Variants in DMD observed in about 807,000 individuals in gnomAD.
DMD encodes mutant dystrophin.
In DMD, 63 loss-of-function variants were observed where a neutral mutation model predicts 330.1. The observed-to-expected ratio is 0.19, with a 90% confidence interval of 0.16 to 0.24. DMD has a LOEUF of 0.24. Among genes scored for constraint, DMD ranks in the 10% least tolerant of loss-of-function variants. The probability of loss-of-function intolerance (pLI) is 1.00; values close to 1 mark genes in which losing one functional copy is unlikely to be tolerated. For synonymous variants in DMD, 1,223 were observed against 959.8 expected (o/e 1.27, Z -5.07); for missense variants, 3,344 against 2,684.1 (o/e 1.25, Z -5.43).
At chrX:32,386,001 C>G (rs1221508931) in intron 33 of DMD, among the ~76,000 whole-genome samples, 1 of 109,881 alleles carries the variant, frequency 9.1e-6, no homozygotes, top group East Asian at 2.9e-4. Context: ...TTAGAGCTAT[C>G]TGATGGACCA....
At chrX:31,397,282 A>G (rs2060988107) in intron 60 of DMD, among the ~76,000 whole-genome samples, 1 of 112,030 alleles carries the variant, frequency 8.9e-6, no homozygotes, top group Non-Finnish European at 1.9e-5. Flanking sequence ...GACAAATCCA[A>G]AATGATGTCT....
intron 7 of DMD, among the ~76,000 whole-genome samples, chrX:32,729,442 G>C (rs1418611495): frequency 9.0e-6 from 1 of 111,585 alleles, no homozygotes; most frequent in Admixed American, 9.5e-5. Context: ...TGAATATTTT[G>C]GCTGATTTTT....
chrX:31,393,504 AC>A (rs2060780723), intron 60 of DMD, among the ~76,000 whole-genome samples: 2 of 97,561 alleles, frequency 2.1e-5, no homozygotes, highest in South Asian at 3.9e-4. Context: ...AAAAAAAAAA[AC>A]AAACCCAACT....
intron 44 of DMD, among the ~76,000 whole-genome samples, chrX:32,172,472 T>C (rs987212384): frequency 3.6e-5 from 4 of 111,940 alleles, no homozygotes; most frequent in African/African-American, 1.3e-4. Flanking sequence ...AGAATCTTAA[T>C]TTGATTGAAA....
chrX:31,774,953 T>C, intron 50 of DMD, among the ~76,000 whole-genome samples: 1 of 111,573 alleles, frequency 9.0e-6, no homozygotes, highest in Middle Eastern at 4.2e-3. Flanking sequence ...TTAAGATGCA[T>C]AGTACTAGAA....
intron 1 of DMD, among the ~76,000 whole-genome samples, chrX:33,176,281 T>C (rs770974082): frequency 2.5e-4 from 28 of 111,065 alleles, no homozygotes; most frequent in Non-Finnish European, 5.3e-4. Flanking sequence ...GGTTTTCTAA[T>C]CTGGAAACTT....
intron 7 of DMD, among the ~76,000 whole-genome samples, chrX:32,707,302 A>G (rs1409004582): frequency 8.9e-6 from 1 of 111,979 alleles, no homozygotes; most frequent in Non-Finnish European, 1.9e-5. Context: ...TCAGTTTACC[A>G]CTTGCCACTG....
chrX:31,434,464 A>G (rs1450084976), intron 60 of DMD, among the ~76,000 whole-genome samples: 1 of 101,462 alleles, frequency 9.9e-6, no homozygotes, highest in Non-Finnish European at 2.0e-5. Flanking sequence ...ACACACACAC[A>G]CACACACACA....
At chrX:31,355,232 T>C (rs183662890) in intron 60 of DMD, among the ~76,000 whole-genome samples, 78 of 112,220 alleles carry the variant, frequency 7.0e-4, no homozygotes, top group African/African-American at 2.5e-3. Context: ...ACCTTTCTGT[T>C]AATTACTCTA....
At position 31,658,062 on chromosome X, in the gene DMD, G is replaced by C. The variant is rs2080892378; in HGVS notation, c.7955C>G (p.Ser2652Cys). The C allele has an allele frequency of 8.3e-7, 1 of 1,211,079 alleles. No individual in the cohort carries two copies. The highest frequency in any genetic ancestry group is 1.1e-6 in the Non-Finnish European group (1 of 894,825). The change falls in exon 54 of 79, where the codon TCT (serine) becomes TGT (cysteine). Residue 2652 changes from serine (S) to cysteine (C), a missense_variant. Physicochemically the swap from Ser to Cys is moderately radical, Grantham distance 112. Transcript: ENST00000357033. ...DLALKLLRDY[S>C]ADDTRKVHMI... ...GTGGACTTTTCTGGTATCATCTGCA[G>C]AATAATCCCGGAGAAGTTTCAGGGC...
chrX:31,588,211 C>A (rs183830310), intron 55 of DMD, among the ~76,000 whole-genome samples: 5 of 111,742 alleles, frequency 4.5e-5, no homozygotes, highest in Admixed American at 1.9e-4. Flanking sequence ...CTTGGAAGGC[C>A]AGGGAGAGAC....
At chrX:33,078,654 A>T (rs1320808350) in intron 1 of DMD, among the ~76,000 whole-genome samples, 1 of 111,899 alleles carries the variant, frequency 8.9e-6, no homozygotes, top group East Asian at 2.8e-4. Context: ...TAAGACCTGC[A>T]CTCAGAGTAT....
chrX:31,345,009 T>TA (rs1169597575), intron 61 of DMD, among the ~76,000 whole-genome samples: 3 of 111,520 alleles, frequency 2.7e-5, no homozygotes, highest in Non-Finnish European at 5.6e-5. Flanking sequence ...TCTTGATGTG[T>TA]ATAGAGTACC....
intron 2 of DMD, among the ~76,000 whole-genome samples, chrX:32,971,485 T>G (rs2147132977): frequency 9.0e-6 from 1 of 111,219 alleles, no homozygotes; most frequent in South Asian, 3.8e-4. Context: ...AAAAATAACT[T>G]TATAGTTTAT....
intron 18 of DMD, among the ~76,000 whole-genome samples, chrX:32,513,139 G>T (rs2045513756): frequency 9.0e-6 from 1 of 111,479 alleles, no homozygotes. Flanking sequence ...GCGTGTCCCT[G>T]TATGATGCTG....
At chrX:32,431,845 A>T in intron 29 of DMD, among the ~76,000 whole-genome samples, 1 of 111,247 alleles carries the variant, frequency 9.0e-6, no homozygotes, top group Non-Finnish European at 1.9e-5. Flanking sequence ...ACTGTGCTTC[A>T]TGAGGGCTTT....
At chrX:32,175,509 C>G (rs1342519762) in intron 44 of DMD, among the ~76,000 whole-genome samples, 1 of 110,679 alleles carries the variant, frequency 9.0e-6, no homozygotes, top group South Asian at 3.9e-4. Flanking sequence ...CACAATAAAT[C>G]TTGCTGCTGC....
intron 74 of DMD, among the ~76,000 whole-genome samples, chrX:31,155,632 C>G (rs1399953130): frequency 9.0e-6 from 1 of 111,317 alleles, no homozygotes; most frequent in African/African-American, 3.3e-5. Context: ...AAATGAAAGA[C>G]AAATTCTGCA....
At chrX:32,979,730 CAGGAT>C (rs1569546923) in intron 2 of DMD, among the ~76,000 whole-genome samples, 1 of 111,445 alleles carries the variant, frequency 9.0e-6, no homozygotes, top group East Asian at 2.8e-4. Context: ...AAGGAGATTA[CAGGAT>C]ACCTGGAAGA....
Sources: gnomAD v4.1 joint callset for allele counts (sites outside exome capture counted in the v4.1 genomes callset) on GRCh38, gnomAD v4.1.1 for gene constraint, MANE v1.5 for transcripts, NCBI Gene and HGNC (gene_info 2026-07-23, HGNC 2026-07-21) for gene names.